CFAP299: variants seen among roughly 807,000 people sequenced by gnomAD.
CFAP299 encodes the protein cilia- and flagella-associated protein 299.
In CFAP299, 21 loss-of-function variants were observed where a neutral mutation model predicts 27.0. The observed-to-expected ratio is 0.78, with a 90% CI of 0.55 to 1.12. CFAP299 has a LOEUF of 1.12. Among genes scored for constraint, CFAP299 ranks in the 50% most tolerant of loss-of-function variants. CFAP299 has a pLI of 0.00. For missense variants in CFAP299, 310 were observed against 276.6 expected (o/e 1.12, Z -0.86); for synonymous variants, 104 against 98.1 (o/e 1.06, Z -0.36).
At chr4:80,371,953 A>G (rs1453227451) in intron 2 of CFAP299, among the ~76,000 whole-genome samples, 1 of 152,192 alleles carries the variant, frequency 6.6e-6, no homozygotes, top group Non-Finnish European at 1.5e-5. Context: ...TCTTTATAGC[A>G]ATACCCAACA....
At chr4:80,547,275 G>A (rs1162830918) in intron 2 of CFAP299, among the ~76,000 whole-genome samples, 1 of 152,010 alleles carries the variant, frequency 6.6e-6, no homozygotes, top group Non-Finnish European at 1.5e-5. Context: ...CAAACAATGA[G>A]GAAAGGACTT....
intron 3 of CFAP299, among the ~76,000 whole-genome samples, chr4:80,792,017 C>T (rs771242776): frequency 6.6e-6 from 1 of 151,296 alleles, no homozygotes; most frequent in Non-Finnish European, 1.5e-5. Flanking sequence ...ATGAATAATT[C>T]AATGTTATAA....
At chr4:80,736,575 C>T (rs1367173793) in intron 3 of CFAP299, among the ~76,000 whole-genome samples, 3 of 152,132 alleles carry the variant, frequency 2.0e-5, no homozygotes, top group African/African-American at 4.8e-5. Flanking sequence ...CTCACCATCA[C>T]TGGCCATCAG....
chr4:80,436,142 T>A (rs1301958566), intron 2 of CFAP299, among the ~76,000 whole-genome samples: 1 of 152,190 alleles, frequency 6.6e-6, no homozygotes, highest in African/African-American at 2.4e-5. Flanking sequence ...TTCCATTCTC[T>A]CCTGCTTTCA....
intron 4 of CFAP299, among the ~76,000 whole-genome samples, chr4:80,927,112 A>T (rs150697708): frequency 1.2e-3 from 176 of 152,234 alleles, no homozygotes; most frequent in African/African-American, 4.0e-3. Context: ...AAAATTGCTT[A>T]GTGAAAAGTC....
At chr4:80,552,541 AT>A (rs1734576658) in intron 2 of CFAP299, among the ~76,000 whole-genome samples, 1 of 152,174 alleles carries the variant, frequency 6.6e-6, no homozygotes, top group Non-Finnish European at 1.5e-5. Context: ...AATATATCTT[AT>A]AAGTTTTTGC....
At chr4:80,341,010 A>C (rs571233464) in intron 1 of CFAP299, among the ~76,000 whole-genome samples, 5 of 152,206 alleles carry the variant, frequency 3.3e-5, no homozygotes, top group African/African-American at 1.2e-4. Context: ...TCCTGACCTC[A>C]GGTGATCCAC....
At chr4:80,695,576 A>G (rs1721035964) in intron 3 of CFAP299, among the ~76,000 whole-genome samples, 1 of 152,082 alleles carries the variant, frequency 6.6e-6, no homozygotes, top group Non-Finnish European at 1.5e-5. Flanking sequence ...CCTTTTGTAT[A>G]GCTATAATTG....
intron 3 of CFAP299, among the ~76,000 whole-genome samples, chr4:80,776,001 A>C (rs550867225): frequency 3.3e-5 from 5 of 152,172 alleles, no homozygotes; most frequent in Non-Finnish European, 7.4e-5. Context: ...CTCAGGTTGC[A>C]TCTCTTTTTC....
chr4:80,594,639 A>G (rs1416707109), intron 3 of CFAP299, among the ~76,000 whole-genome samples: 2 of 151,968 alleles, frequency 1.3e-5, no homozygotes, highest in African/African-American at 4.8e-5. Flanking sequence ...TCGCATTCTT[A>G]TGTGATCCCT....
In CFAP299 at chr4:80,747,811, A is replaced by C. The variant is rs368349422; in HGVS notation, c.334-122182A>C. Among the ~76,000 whole-genome samples the C allele has an allele frequency of 2.3e-4, 35 of 151,986 alleles. No individual in the cohort carries two copies. The South Asian group carries it at 6.4e-3, about 28-fold the overall frequency. ...CCCTAGACTTTCTTTTCTCACTGTT[A>C]CTTCCTCTCAGGTGCTCTTATCAAT... On this transcript the variant is annotated intron_variant, in intron 3 of 5. Coordinates refer to ENST00000358105, the MANE Select transcript of CFAP299 (RefSeq NM_152770.3).
Position 80,776,584 on chromosome 4 carries a change from C to T in CFAP299, c.334-93409C>T, listed in dbSNP as rs761293441. Among the ~76,000 whole-genome samples, 4 of 151,714 alleles carry T rather than the reference C, an allele frequency of 2.6e-5. No homozygotes were observed. In the South Asian group the frequency reaches 6.2e-4, roughly 24 times the overall value. On this transcript the variant is annotated intron_variant, in intron 3 of 5. Coordinates refer to ENST00000358105, the MANE Select transcript of CFAP299 (RefSeq NM_152770.3). ...GGGAACATCACACACCCGGGCCTGT[C>T]GGGGGATGAGGGCAAGGGGAGGAAG...
At chr4:80,862,523 G>A (rs949266814) in intron 3 of CFAP299, among the ~76,000 whole-genome samples, 12 of 152,062 alleles carry the variant, frequency 7.9e-5, no homozygotes, top group Non-Finnish European at 1.5e-4. Context: ...AAAATTCTTA[G>A]TTTCTTATGG....
chr4:80,653,128 G>T (rs1740392032), intron 3 of CFAP299, among the ~76,000 whole-genome samples: 2 of 152,102 alleles, frequency 1.3e-5, no homozygotes, highest in Admixed American at 1.3e-4. Flanking sequence ...TCTGTATTCA[G>T]CTATATGCAC....
intron 2 of CFAP299, among the ~76,000 whole-genome samples, chr4:80,462,960 C>A (rs1359027465): frequency 6.6e-6 from 1 of 152,004 alleles, no homozygotes; most frequent in Non-Finnish European, 1.5e-5. Context: ...GAGAAGTTGA[C>A]CCCTCAAGAC....
intron 3 of CFAP299, among the ~76,000 whole-genome samples, chr4:80,720,449 A>C (rs904534214): frequency 1.4e-4 from 21 of 152,152 alleles, no homozygotes; most frequent in Non-Finnish European, 2.9e-4. Context: ...GTAAGACCTG[A>C]ATGGTCTAAC....
chr4:80,456,606 A>G lies in CFAP299; in HGVS notation c.242+93722A>G, dbSNP rs529192622. Among the ~76,000 whole-genome samples the G allele has an allele frequency of 5.2e-4, 79 of 152,280 alleles. 1 individual carries two copies. Among genetic ancestry groups the G allele is most frequent in the African/African-American group, 1.8e-3 (76 of 41,566 alleles). On this transcript the variant is annotated intron_variant, in intron 2 of 5. Transcript: ENST00000358105. ...TTTTACCTGAGTACATAGAGAATGA[A>G]ATAGACCATAAGAGAAGGATACATG...
chr4:80,741,255 T>G (rs1288534366), intron 3 of CFAP299, among the ~76,000 whole-genome samples: 1 of 152,160 alleles, frequency 6.6e-6, no homozygotes, highest in East Asian at 1.9e-4. Flanking sequence ...TGTTTCATTT[T>G]GTTTTGTTTT....
chr4:80,879,840 A>G (rs746557769), intron 4 of CFAP299, among the ~76,000 whole-genome samples: 11 of 152,156 alleles, frequency 7.2e-5, no homozygotes, highest in Admixed American at 7.2e-4. Context: ...CTTTTCCTCC[A>G]TTTCTTATAT....
Sources: gnomAD v4.1 joint callset for allele counts (sites outside exome capture counted in the v4.1 genomes callset) on GRCh38, gnomAD v4.1.1 for gene constraint, MANE v1.5 for transcripts, NCBI Gene and HGNC (gene_info 2026-07-23, HGNC 2026-07-21) for gene names.